Variants in QRICH1 observed in about 807,000 individuals in gnomAD.
The protein encoded by QRICH1 is transcriptional regulator QRICH1.
QRICH1 carries 16 observed loss-of-function variants against 87.1 expected under a neutral mutation model. That is an observed-to-expected ratio of 0.18 (90% CI 0.12 to 0.28). QRICH1 has a LOEUF of 0.28. Among genes scored for constraint, QRICH1 ranks in the 10% least tolerant of loss-of-function variants. QRICH1 has a pLI of 1.00. For missense variants in QRICH1, 647 were observed against 951.7 expected, an observed-to-expected ratio of 0.68 and a Z score of 4.21; for synonymous variants, 367 against 368.4, an observed-to-expected ratio of 1.00 and a Z score of 0.05.
chr3:49,059,518 C>G (rs974966172), intron 2 of QRICH1, among the ~76,000 whole-genome samples: 1 of 149,686 alleles, frequency 6.7e-6, no homozygotes, highest in Non-Finnish European at 1.5e-5. Flanking sequence ...CTCCTGGGTT[C>G]AAGCTATTCT....
intron 1 of QRICH1, among the ~76,000 whole-genome samples, chr3:49,086,261 CTTTTTTTTTTTTT>C (rs538224071): frequency 0.015 from 2,157 of 141,878 alleles, 59 homozygotes; most frequent in African/African-American, 0.051. Context: ...TTTTCTTTTT[CTTTTTTTTTTTTT>C]GAGATGGAGT....
chr3:49,031,483 A>T (rs1057157388), intron 9 of QRICH1, among the ~76,000 whole-genome samples: 7 of 152,278 alleles, frequency 4.6e-5, no homozygotes, highest in South Asian at 4.2e-4. Flanking sequence ...GCTGATATTT[A>T]AAAAAATGGG....
intron 6 of QRICH1, among the ~76,000 whole-genome samples, chr3:49,034,699 A>T (rs1336025479): frequency 6.6e-6 from 1 of 152,218 alleles, no homozygotes; most frequent in Admixed American, 6.5e-5. Flanking sequence ...GCCCAGAGCT[A>T]GGTACAGGCA....
intron 2 of QRICH1, among the ~76,000 whole-genome samples, chr3:49,060,397 G>A (rs1284422902): frequency 1.3e-5 from 2 of 151,904 alleles, no homozygotes; most frequent in African/African-American, 4.8e-5. Context: ...GTTTCACCGT[G>A]TTAGCCAGGA....
At chr3:49,069,115 T>A (rs1208224162) in intron 2 of QRICH1, among the ~76,000 whole-genome samples, 6 of 147,054 alleles carry the variant, frequency 4.1e-5, no homozygotes, top group East Asian at 2.0e-4. Context: ...TTATTTTTTT[T>A]TTTTTTTTGA....
chr3:49,041,556 G>A (rs1391919449), intron 6 of QRICH1, among the ~76,000 whole-genome samples: 1 of 151,960 alleles, frequency 6.6e-6, no homozygotes, highest in Non-Finnish European at 1.5e-5. Context: ...CCAAACTCCT[G>A]GGCTCAACTG....
chr3:49,078,093 G>C (rs1305127584), intron 1 of QRICH1, among the ~76,000 whole-genome samples: 1 of 152,116 alleles, frequency 6.6e-6, no homozygotes, highest in Non-Finnish European at 1.5e-5. Flanking sequence ...AAGAGTAACA[G>C]AAAACAAGCG....
chr3:49,051,355 A>G (rs867781021), intron 3 of QRICH1, among the ~76,000 whole-genome samples: 1 of 152,108 alleles, frequency 6.6e-6, no homozygotes, highest in East Asian at 1.9e-4. Flanking sequence ...GCTTCCTGAT[A>G]TATCATCCTC....
intron 1 of QRICH1, among the ~76,000 whole-genome samples, chr3:49,084,322 C>T (rs754372335): frequency 1.4e-4 from 21 of 151,694 alleles, no homozygotes; most frequent in Non-Finnish European, 3.1e-4. Context: ...GTGGCACGAT[C>T]CTGGCTCACT....
Position 49,062,164 on chromosome 3 carries a change from G to A in QRICH1, c.310-4274C>T, listed in dbSNP as rs190665411. On this transcript the variant is annotated intron_variant, in intron 2 of 9. Transcript: ENST00000395443. ...AGCCTGGCCAACATGGTGAAACCCT[G>A]TCTCTACTAAAAATACAAAAATTAG... Among the ~76,000 whole-genome samples, 233 of 151,884 alleles carry A rather than the reference G, an allele frequency of 1.5e-3. 2 individuals are homozygous for A. The highest frequency in any genetic ancestry group is 2.9e-3 in the Non-Finnish European group (196 of 67,946).
intron 2 of QRICH1, among the ~76,000 whole-genome samples, chr3:49,064,179 C>A (rs1021062614): frequency 2.0e-5 from 3 of 151,558 alleles, no homozygotes; most frequent in Admixed American, 1.3e-4. Flanking sequence ...GATCCGCCTG[C>A]CTCGGCCTCC....
At chr3:49,078,677 G>A (rs1363489452) in intron 1 of QRICH1, among the ~76,000 whole-genome samples, 1 of 142,650 alleles carries the variant, frequency 7.0e-6, no homozygotes, top group East Asian at 2.1e-4. Context: ...TTACAGGCGT[G>A]AGCCACCACA....
At position 49,084,037 on chromosome 3, in the gene QRICH1, T is replaced by G. The variant is rs186436213; in HGVS notation, c.-21-6999A>C. 2.9e-3 allele frequency among the ~76,000 whole-genome samples: 446 copies of G among 152,088 alleles called. 4 individuals are homozygous for G. Among genetic ancestry groups the G allele is most frequent in the Middle Eastern group, 6.8e-3 (2 of 294 alleles). Reference sequence around the variant, plus strand: ...AGCTGGTCTTGAACTCCTAAACTCATGATCCACCCGCCTCAGCCTCCCAAA... The same window carrying G: ...AGCTGGTCTTGAACTCCTAAACTCAGGATCCACCCGCCTCAGCCTCCCAAA... On this transcript the variant is annotated intron_variant, in intron 1 of 9. Coordinates refer to ENST00000395443, the MANE Select transcript of QRICH1 (RefSeq NM_198880.3).
At chr3:49,090,353 G>A (rs2042250350) in intron 1 of QRICH1, among the ~76,000 whole-genome samples, 1 of 152,090 alleles carries the variant, frequency 6.6e-6, no homozygotes, top group Non-Finnish European at 1.5e-5. Flanking sequence ...CAGCTACTCG[G>A]GAGGCTGAGG....
chr3:49,055,998 A>T (rs968717277), intron 3 of QRICH1, among the ~76,000 whole-genome samples: 1 of 150,828 alleles, frequency 6.6e-6, no homozygotes, highest in Non-Finnish European at 1.5e-5. Context: ...TTCTTTTGAC[A>T]GAGTTTTGCT....
chr3:49,032,742 T>G lies in QRICH1; in HGVS notation c.1927A>C (p.Met643Leu). 1 of 1,609,212 alleles carries G rather than the reference T, an allele frequency of 6.2e-7. No individual in the cohort carries two copies. Among genetic ancestry groups the G allele is most frequent in the African/African-American group, 1.3e-5 (1 of 74,742 alleles). Reference sequence around the variant, plus strand: ...AAGACCTTGGAGAAGGCCAGCTTCATGTGCTGGTCCACTGTCTTCAATAGG... The same window carrying G: ...AAGACCTTGGAGAAGGCCAGCTTCAGGTGCTGGTCCACTGTCTTCAATAGG... ...YFLLKTVDQH[M>L]KLAFSKVLRQ... Residue 643 changes from methionine (M) to leucine (L), a missense_variant, in exon 8 of 10, where the codon ATG becomes CTG. Met to Leu is a conservative substitution (Grantham distance 15). This residue lies in a region of QRICH1 where 187 missense variants were observed against 309.5 expected (regional missense o/e 0.60). Coordinates refer to ENST00000395443, the MANE Select transcript of QRICH1 (RefSeq NM_198880.3).
chr3:49,081,025 T>TCACCCTCCTCTCACCAAACC (rs2042049321), intron 1 of QRICH1, among the ~76,000 whole-genome samples: 1 of 69,728 alleles, frequency 1.4e-5, no homozygotes, highest in Non-Finnish European at 3.0e-5. Context: ...AAACTAAAAA[T>TCACCCTCCTCTCACCAAACC]CACCCTCCTC....
At chr3:49,061,134 T>TAAAAAAAAAAA (rs57557768) in intron 2 of QRICH1, among the ~76,000 whole-genome samples, 1 of 39,720 alleles carries the variant, frequency 2.5e-5, no homozygotes, top group African/African-American at 1.1e-4. Context: ...GCCTCCATCT[T>TAAAAAAAAAAA]AAAAAAAAAA....
chr3:49,071,901 A>T (rs780998187), intron 2 of QRICH1, among the ~76,000 whole-genome samples: 1 of 152,132 alleles, frequency 6.6e-6, no homozygotes, highest in Non-Finnish European at 1.5e-5. Flanking sequence ...CATGTTGCCC[A>T]GGCTGGTCTC....
Sources: gnomAD v4.1 joint callset for allele counts (sites outside exome capture counted in the v4.1 genomes callset) on GRCh38, gnomAD v4.1.1 for gene constraint, gnomAD v4.1.1 regional missense constraint, MANE v1.5 for transcripts, NCBI Gene and HGNC (gene_info 2026-07-23, HGNC 2026-07-21) for gene names.